AKAP6: variants seen among roughly 807,000 people sequenced by gnomAD.
The protein encoded by AKAP6 is A-kinase anchoring protein 6.
Under a neutral mutation model 188.5 loss-of-function variants are expected in AKAP6, and 58 were observed. The ratio of observed to expected loss-of-function variants is 0.31; its 90% CI spans 0.25 to 0.38. AKAP6 has a LOEUF of 0.38. Among genes scored for constraint, AKAP6 ranks in the 10% least tolerant of loss-of-function variants. The pLI, the probability that AKAP6 is intolerant of heterozygous loss-of-function variation, is 1.00. For missense variants in AKAP6, 2,710 were observed against 2,740.0 expected, an observed-to-expected ratio of 0.99 and a Z score of 0.24; for synonymous variants, 989 against 998.6, an observed-to-expected ratio of 0.99 and a Z score of 0.18.
Position 32,752,331 on chromosome 14 carries a change from G to A in AKAP6, c.3372+16449G>A, listed in dbSNP as rs571749752. Among the ~76,000 whole-genome samples, 11 of 152,276 alleles carry A rather than the reference G, an allele frequency of 7.2e-5. No individual in the cohort carries two copies. The South Asian group carries it at 2.3e-3, about 32-fold the overall frequency. Reference sequence around the variant, plus strand: ...GGATGTCCTCAGTGTTCCAGAGCAGGAGGGTGGTCTTGCAGAGCATGTTTC... The same window carrying A: ...GGATGTCCTCAGTGTTCCAGAGCAGAAGGGTGGTCTTGCAGAGCATGTTTC... On this transcript the variant is annotated intron_variant, in intron 11 of 13. Coordinates refer to ENST00000280979, the MANE Select transcript of AKAP6 (RefSeq NM_004274.5).
chr14:32,389,794 A>C (rs994647532), intron 1 of AKAP6, among the ~76,000 whole-genome samples: 2 of 152,060 alleles, frequency 1.3e-5, no homozygotes, highest in African/African-American at 4.8e-5. Context: ...CCTTTGTCTT[A>C]ACTTTAGATA....
At chr14:32,584,853 T>C (rs528112041) in intron 5 of AKAP6, among the ~76,000 whole-genome samples, 1 of 152,356 alleles carries the variant, frequency 6.6e-6, no homozygotes, top group African/African-American at 2.4e-5. Context: ...AAGTAGTCTA[T>C]TGTATGGATA....
intron 8 of AKAP6, among the ~76,000 whole-genome samples, chr14:32,695,405 T>C (rs1404999397): frequency 6.6e-6 from 1 of 152,208 alleles, no homozygotes; most frequent in Non-Finnish European, 1.5e-5. Flanking sequence ...GACAGATAAA[T>C]GATTGAGTGA....
intron 5 of AKAP6, among the ~76,000 whole-genome samples, chr14:32,585,537 G>C (rs1229496900): frequency 6.6e-6 from 1 of 152,080 alleles, no homozygotes; most frequent in Non-Finnish European, 1.5e-5. Context: ...AACTGTAAGT[G>C]TGAGTGGTTA....
chr14:32,405,373 T>A (rs1889253098), intron 1 of AKAP6, among the ~76,000 whole-genome samples: 1 of 152,168 alleles, frequency 6.6e-6, no homozygotes, highest in Non-Finnish European at 1.5e-5. Flanking sequence ...TTTTCAATAA[T>A]GATGTCATAA....
intron 2 of AKAP6, among the ~76,000 whole-genome samples, chr14:32,516,073 CAA>C (rs1881505493): frequency 6.6e-6 from 1 of 152,314 alleles, no homozygotes; most frequent in Middle Eastern, 3.4e-3. Context: ...GAAAGAAAAA[CAA>C]AAGAGTGCTT....
intron 1 of AKAP6, among the ~76,000 whole-genome samples, chr14:32,357,357 G>C (rs890588320): frequency 1.3e-5 from 2 of 152,138 alleles, no homozygotes; most frequent in African/African-American, 4.8e-5. Context: ...TTAAAAGCTG[G>C]TATGAGTTCT....
intron 4 of AKAP6, among the ~76,000 whole-genome samples, chr14:32,549,320 C>T (rs1200837369): frequency 6.6e-6 from 1 of 152,080 alleles, no homozygotes; most frequent in Non-Finnish European, 1.5e-5. Context: ...TTTGACTGGG[C>T]AGTTCTTGTG....
rs139401982 is a variant in AKAP6, at chr14:32,568,003, A to G, written c.2347-9117A>G. On this transcript the variant is annotated intron_variant, in intron 4 of 13. Transcript: ENST00000280979. This position sits in a 1 kb window ranked among gnomAD's most constrained non-coding sequence, Gnocchi z 6.2. ...AACAAAGGAGGGGAGGGGCTGGAGAAGAGGAAAGAGAAAAAAGAGGCAAAA... is the reference window on the plus strand; with the variant it reads ...AACAAAGGAGGGGAGGGGCTGGAGAGGAGGAAAGAGAAAAAAGAGGCAAAA... Among the ~76,000 whole-genome samples the G allele has an allele frequency of 6.0e-4, 91 of 152,220 alleles. No individual in the cohort carries two copies. Among genetic ancestry groups the G allele is most frequent in the Non-Finnish European group, 9.3e-4 (63 of 67,998 alleles).
chr14:32,737,833 A>C (rs1312571997), intron 11 of AKAP6, among the ~76,000 whole-genome samples: 1 of 152,156 alleles, frequency 6.6e-6, no homozygotes, highest in African/African-American at 2.4e-5. Flanking sequence ...GAAAAGGAAA[A>C]CCCATAGCTT....
intron 2 of AKAP6, among the ~76,000 whole-genome samples, chr14:32,488,334 G>A (rs1879813102): frequency 6.6e-6 from 1 of 152,274 alleles, no homozygotes; most frequent in South Asian, 2.1e-4. Flanking sequence ...ACTGTGAGGG[G>A]AAAACTGCCT....
chr14:32,435,617 A>G (rs1175026530), intron 2 of AKAP6, among the ~76,000 whole-genome samples: 4 of 152,220 alleles, frequency 2.6e-5, no homozygotes, highest in African/African-American at 7.2e-5. Flanking sequence ...CCCTGCTGAG[A>G]AAGGAGCCCC....
At chr14:32,600,563 A>G in intron 6 of AKAP6, 66 bp from the exon 7 acceptor site, 1 of 1,458,120 alleles carries the variant, frequency 6.9e-7, no homozygotes, top group Non-Finnish European at 9.1e-7. Context: ...TAATTTACTA[A>G]ATAAAAATAA....
At chr14:32,420,575 G>A (rs1175641740) in intron 1 of AKAP6, among the ~76,000 whole-genome samples, 1 of 152,086 alleles carries the variant, frequency 6.6e-6, no homozygotes, top group Non-Finnish European at 1.5e-5. Flanking sequence ...ATTATTGTGT[G>A]CTTAGTTTTC....
chr14:32,506,188 T>C (rs1379400866), intron 2 of AKAP6, among the ~76,000 whole-genome samples: 1 of 152,034 alleles, frequency 6.6e-6, no homozygotes, highest in Admixed American at 6.6e-5. Context: ...GATATACACA[T>C]AAAAAAGTTA....
chr14:32,821,599 C>A lies in AKAP6; in HGVS notation c.3786C>A (p.Asp1262Glu). The A allele has an allele frequency of 1.2e-6, 2 of 1,613,476 alleles. No individual in the cohort carries two copies. Among genetic ancestry groups the A allele is most frequent in the Non-Finnish European group, 1.7e-6 (2 of 1,179,824 alleles). ...GETSNEDPGY[D>E]EEADNHGGSQ... The stretch of plus-strand genomic sequence containing the variant: ...CAAGTAATGAGGACCCTGGTTATGA[C>A]GAGGAGGCTGATAACCATGGGGGAT... The change falls in exon 13 of 14, where the codon GAC becomes GAA. Residue 1262 changes from aspartate (D) to glutamate (E), a missense_variant. Coordinates refer to ENST00000280979, the MANE Select transcript of AKAP6 (RefSeq NM_004274.5).
At chr14:32,483,799 C>T (rs1046991429) in intron 2 of AKAP6, among the ~76,000 whole-genome samples, 1 of 151,932 alleles carries the variant, frequency 6.6e-6, no homozygotes, top group African/African-American at 2.4e-5. Flanking sequence ...ATTTATTGTA[C>T]TTTAAGTTCT....
intron 7 of AKAP6, among the ~76,000 whole-genome samples, chr14:32,649,109 C>A (rs1357430371): frequency 6.6e-6 from 1 of 152,100 alleles, no homozygotes; most frequent in African/African-American, 2.4e-5. Flanking sequence ...GAGATTCAAT[C>A]TAATTTAATT....
At chr14:32,340,031 A>G (rs1423920314) in intron 1 of AKAP6, among the ~76,000 whole-genome samples, 1 of 151,590 alleles carries the variant, frequency 6.6e-6, no homozygotes, top group Non-Finnish European at 1.5e-5. Context: ...TATTTTTAGA[A>G]TGCCTTTTTC....
Sources: allele counts gnomAD v4.1 joint callset (sites outside exome capture counted in the v4.1 genomes callset), GRCh38; gene constraint gnomAD v4.1.1; non-coding constraint Gnocchi (gnomAD v3.1); transcripts MANE v1.5; gene names NCBI Gene and HGNC (gene_info 2026-07-23, HGNC 2026-07-21).